Variants in ARHGEF3 observed in about 807,000 individuals in gnomAD.
ARHGEF3 encodes the protein Rho guanine nucleotide exchange factor 3.
In ARHGEF3, 28 loss-of-function variants were observed where a neutral mutation model predicts 63.2. The observed-to-expected ratio is 0.44, with a 90% CI of 0.33 to 0.61. The LOEUF (loss-of-function observed/expected upper bound fraction) is 0.61. Ranked by LOEUF, ARHGEF3 falls within the 20% of genes least tolerant of loss-of-function variation. ARHGEF3 has a pLI of 0.03. For missense variants in ARHGEF3, 533 were observed against 659.3 expected, an observed-to-expected ratio of 0.81 and a Z score of 2.10; for synonymous variants, 266 against 254.2, an observed-to-expected ratio of 1.05 and a Z score of -0.44.
chr3:56,918,474 G>A (rs933950348), intron 3 of ARHGEF3, among the ~76,000 whole-genome samples: 6 of 152,370 alleles, frequency 3.9e-5, no homozygotes, highest in Admixed American at 2.6e-4. Context: ...GCAGCACTTC[G>A]TGCAAGAGGT....
At chr3:56,961,704 C>T (rs1700288092) in intron 2 of ARHGEF3, among the ~76,000 whole-genome samples, 1 of 152,042 alleles carries the variant, frequency 6.6e-6, no homozygotes, top group South Asian at 2.1e-4. Flanking sequence ...CCTCTCATCC[C>T]ACCACCATTC....
intron 2 of ARHGEF3, among the ~76,000 whole-genome samples, chr3:57,023,384 TC>T (rs1166639651): frequency 1.3e-5 from 2 of 152,178 alleles, no homozygotes; most frequent in Non-Finnish European, 2.9e-5. Context: ...CTCCATCATC[TC>T]TCTCCTGGAT....
At chr3:57,071,319 A>G (rs1193734195) in intron 1 of ARHGEF3, among the ~76,000 whole-genome samples, 1 of 152,142 alleles carries the variant, frequency 6.6e-6, no homozygotes, top group African/African-American at 2.4e-5. Context: ...ATCAAAACAG[A>G]TCAAAGTTCT....
At chr3:57,021,485 C>T (rs534711749) in intron 2 of ARHGEF3, among the ~76,000 whole-genome samples, 9 of 152,212 alleles carry the variant, frequency 5.9e-5, no homozygotes, top group East Asian at 1.9e-4. Flanking sequence ...CGGCCAGGCG[C>T]GGTGGCTCAC....
At chr3:56,903,957 T>C (rs1019822589) in intron 3 of ARHGEF3, among the ~76,000 whole-genome samples, 25 of 151,996 alleles carry the variant, frequency 1.6e-4, no homozygotes, top group Non-Finnish European at 3.1e-4. Flanking sequence ...TCAACCTCCT[T>C]GGCTCAGGCA....
intron 2 of ARHGEF3, among the ~76,000 whole-genome samples, chr3:56,759,696 G>A (rs1371260626): frequency 6.6e-6 from 1 of 151,998 alleles, no homozygotes; most frequent in Non-Finnish European, 1.5e-5. Flanking sequence ...CGCTAAGCAA[G>A]TGCCTGGCTA....
At chr3:56,737,467 T>C (rs2033706339) in intron 7 of ARHGEF3, 112 bp from the exon 8 acceptor site, 2 of 757,946 alleles carry the variant, frequency 2.6e-6, no homozygotes, top group Admixed American at 6.2e-5. Flanking sequence ...TCTAACTCTG[T>C]TATCTAAGTT....
intron 1 of ARHGEF3, among the ~76,000 whole-genome samples, chr3:56,782,517 C>T (rs1269966645): frequency 2.0e-5 from 3 of 151,478 alleles, no homozygotes; most frequent in East Asian, 1.9e-4. Context: ...TTTCTCCGGC[C>T]GTGAGTTTGG....
chr3:56,888,298 T>C (rs2040992015), intron 3 of ARHGEF3, among the ~76,000 whole-genome samples: 1 of 152,172 alleles, frequency 6.6e-6, no homozygotes, highest in Non-Finnish European at 1.5e-5. Context: ...TGTACTGCCC[T>C]GGGCGACAGT....
intron 2 of ARHGEF3, among the ~76,000 whole-genome samples, chr3:56,991,822 C>A (rs977457192): frequency 2.6e-5 from 4 of 152,124 alleles, no homozygotes; most frequent in Non-Finnish European, 4.4e-5. Flanking sequence ...ACCATGTTGG[C>A]CAGGCTGGTC....
intron 2 of ARHGEF3, among the ~76,000 whole-genome samples, chr3:56,963,337 C>T (rs976273505): frequency 1.3e-5 from 2 of 152,132 alleles, no homozygotes; most frequent in African/African-American, 4.8e-5. Flanking sequence ...TGGTGAGGCT[C>T]ATATTGGAGG....
chr3:56,836,838 T>C (rs1322310836), intron 4 of ARHGEF3, among the ~76,000 whole-genome samples: 1 of 151,806 alleles, frequency 6.6e-6, no homozygotes, highest in African/African-American at 2.4e-5. Context: ...GAGGTGGGAG[T>C]ATCACCTGAG....
intron 1 of ARHGEF3, among the ~76,000 whole-genome samples, chr3:57,069,287 A>G (rs919613390): frequency 6.6e-6 from 1 of 152,092 alleles, no homozygotes; most frequent in Non-Finnish European, 1.5e-5. Context: ...TTCTCCCAGA[A>G]ACAAACTAAA....
intron 1 of ARHGEF3, among the ~76,000 whole-genome samples, chr3:57,052,057 A>T (rs1270922872): frequency 6.6e-6 from 1 of 152,166 alleles, no homozygotes; most frequent in African/African-American, 2.4e-5. Flanking sequence ...CTTTATGGTA[A>T]TTATCACACT....
At chr3:57,001,503 C>G (rs141623472) in intron 2 of ARHGEF3, among the ~76,000 whole-genome samples, 12 of 152,314 alleles carry the variant, frequency 7.9e-5, no homozygotes, top group African/African-American at 2.6e-4. Flanking sequence ...GAACTCAACA[C>G]GTTCCCAAGT....
intron 9 of ARHGEF3, among the ~76,000 whole-genome samples, chr3:56,730,449 C>T (rs1427020468): frequency 6.7e-6 from 1 of 150,234 alleles, no homozygotes; most frequent in African/African-American, 2.5e-5. Flanking sequence ...ACAATCTCCG[C>T]TCACTGCAAC....
At chr3:56,984,691 C>T (rs986362877) in intron 2 of ARHGEF3, among the ~76,000 whole-genome samples, 1 of 152,094 alleles carries the variant, frequency 6.6e-6, no homozygotes, top group African/African-American at 2.4e-5. Context: ...TTTTTAACTG[C>T]CAACATGAAA....
chr3:56,986,445 G>C (rs941423473), intron 2 of ARHGEF3, among the ~76,000 whole-genome samples: 3 of 152,230 alleles, frequency 2.0e-5, no homozygotes, highest in Non-Finnish European at 2.9e-5. Flanking sequence ...CAACAGTGGG[G>C]AACTGGGATT....
chr3:56,750,947 C>T (rs2034703035), intron 6 of ARHGEF3, 109 bp downstream of exon 6: 2 of 785,452 alleles, frequency 2.5e-6, no homozygotes, highest in Admixed American at 7.9e-5. Context: ...GATGTGAAAC[C>T]AACATTTGTA....
Sources: gnomAD v4.1 joint callset for allele counts (sites outside exome capture counted in the v4.1 genomes callset) on GRCh38, gnomAD v4.1.1 for gene constraint, MANE v1.5 for transcripts, NCBI Gene and HGNC (gene_info 2026-07-23, HGNC 2026-07-21) for gene names.